Variants in DPF3 observed in about 807,000 individuals in gnomAD.
DPF3 encodes double PHD fingers 3, also known as zinc finger protein DPF3.
A neutral mutation model predicts 56.8 loss-of-function variants in DPF3; 18 were observed. The observed-to-expected ratio is 0.32, with a 90% CI of 0.22 to 0.47. The LOEUF (loss-of-function observed/expected upper bound fraction) is 0.47. Ranked by LOEUF, DPF3 falls within the 20% of genes least tolerant of loss-of-function variation. The probability of loss-of-function intolerance (pLI) is 1.00; values close to 1 mark genes in which losing one functional copy is unlikely to be tolerated. For missense variants in DPF3, 403 were observed against 488.8 expected, an observed-to-expected ratio of 0.82 and a Z score of 1.65; for synonymous variants, 188 against 180.2, an observed-to-expected ratio of 1.04 and a Z score of -0.35.
rs1884156972 is a variant in DPF3, at chr14:72,617,542, C to T, written c.*1755G>A. Among the ~76,000 whole-genome samples, 1 of 152,108 alleles carries T rather than the reference C, an allele frequency of 6.6e-6. No individual in the cohort carries two copies. On this transcript the variant is annotated 3_prime_UTR_variant, in exon 11 of 11. Coordinates refer to ENST00000556509, the MANE Select transcript of DPF3 (RefSeq NM_001280542.3). ...CCGGTCGGGGGCCCTTTAAATGAGA[C>T]CATTATGTATGTGTGTGATTCCCTC...
chr14:72,854,987 C>G (rs1311201176), intron 1 of DPF3, among the ~76,000 whole-genome samples: 1 of 152,128 alleles, frequency 6.6e-6, no homozygotes, highest in African/African-American at 2.4e-5. Context: ...AAAATCCTCA[C>G]CTTTAATATT....
At chr14:72,755,970 A>G (rs564065425) in intron 2 of DPF3, among the ~76,000 whole-genome samples, 52 of 152,294 alleles carry the variant, frequency 3.4e-4, no homozygotes, top group Non-Finnish European at 6.5e-4. Context: ...CAGGAGGCAG[A>G]TAACTCAAAG....
At chr14:72,735,599 G>A (rs984370719) in intron 3 of DPF3, among the ~76,000 whole-genome samples, 11 of 152,206 alleles carry the variant, frequency 7.2e-5, no homozygotes, top group African/African-American at 2.7e-4. Flanking sequence ...AGCACAGAAA[G>A]ATATAGAGAT....
chr14:72,760,840 C>A (rs1891040732), intron 2 of DPF3, among the ~76,000 whole-genome samples: 1 of 151,806 alleles, frequency 6.6e-6, no homozygotes, highest in African/African-American at 2.4e-5. Flanking sequence ...TAAAAAACTA[C>A]TTTTAATATA....
chr14:72,674,169 A>G, intron 8 of DPF3, 71 bp downstream of exon 8: 2 of 1,538,334 alleles, frequency 1.3e-6, no homozygotes, highest in East Asian at 2.3e-5. Flanking sequence ...CAGCACCACA[A>G]GATGGAAGAG....
intron 1 of DPF3, among the ~76,000 whole-genome samples, chr14:72,832,710 CAT>C (rs1884111920): frequency 6.6e-6 from 1 of 152,184 alleles, no homozygotes; most frequent in African/African-American, 2.4e-5. Context: ...AATTCTTTCA[CAT>C]GAGTAAATCA....
chr14:72,627,462 T>C (rs2153566706), intron 9 of DPF3, among the ~76,000 whole-genome samples: 1 of 152,216 alleles, frequency 6.6e-6, no homozygotes, highest in East Asian at 1.9e-4. Flanking sequence ...TATTTCCATA[T>C]GTAGTTGGAT....
intron 1 of DPF3, among the ~76,000 whole-genome samples, chr14:72,803,966 C>T (rs967546247): frequency 9.2e-5 from 14 of 152,050 alleles, no homozygotes; most frequent in African/African-American, 2.4e-4. Context: ...GAATTTTAAA[C>T]GCTACCTCCA....
chr14:72,634,965 A>T (rs1399411253), intron 8 of DPF3, among the ~76,000 whole-genome samples: 3 of 152,148 alleles, frequency 2.0e-5, no homozygotes, highest in Non-Finnish European at 4.4e-5. Context: ...TCCTTCCCGG[A>T]TGTTCCTCTA....
chr14:72,687,191 C>T (rs1334099733), intron 7 of DPF3, among the ~76,000 whole-genome samples: 5 of 152,136 alleles, frequency 3.3e-5, no homozygotes, highest in Non-Finnish European at 7.3e-5. Flanking sequence ...GGTGAAAAGC[C>T]TAACTTTGCA....
At chr14:72,768,024 T>G (rs1053381098) in intron 2 of DPF3, among the ~76,000 whole-genome samples, 1 of 152,174 alleles carries the variant, frequency 6.6e-6, no homozygotes, top group African/African-American at 2.4e-5. Flanking sequence ...ATAAAAGGAC[T>G]ATCAACTCAG....
At chr14:72,670,209 ATCT>A in intron 8 of DPF3, 5 of 986,012 alleles carry the variant, frequency 5.1e-6, no homozygotes, top group Non-Finnish European at 6.0e-6. Flanking sequence ...GTCTCCTTCT[ATCT>A]TCCAGAAGCA....
intron 8 of DPF3, among the ~76,000 whole-genome samples, chr14:72,641,245 A>G (rs1326081824): frequency 6.6e-6 from 1 of 152,176 alleles, no homozygotes; most frequent in Non-Finnish European, 1.5e-5. Flanking sequence ...GAACTCATAC[A>G]CAGATGGCCT....
chr14:72,651,556 G>C (rs924293770), intron 8 of DPF3, among the ~76,000 whole-genome samples: 2 of 152,172 alleles, frequency 1.3e-5, no homozygotes, highest in African/African-American at 4.8e-5. Context: ...GTAATTTTTT[G>C]AATGTCACAT....
chr14:72,637,510 C>T (rs945766528), intron 8 of DPF3, among the ~76,000 whole-genome samples: 2 of 152,266 alleles, frequency 1.3e-5, no homozygotes, highest in South Asian at 4.1e-4. Context: ...GGCACTCTTC[C>T]AGGTACTGGG....
At chr14:72,848,370 G>T (rs887695417) in intron 1 of DPF3, among the ~76,000 whole-genome samples, 1 of 152,062 alleles carries the variant, frequency 6.6e-6, no homozygotes. Flanking sequence ...TCACTATGTT[G>T]CCCAGGCTGG....
chr14:72,744,067 CA>C (rs1422105287), intron 3 of DPF3, among the ~76,000 whole-genome samples: 1 of 152,230 alleles, frequency 6.6e-6, no homozygotes, highest in Admixed American at 6.5e-5. Context: ...ACACTGAGAA[CA>C]CTTGCAAATT....
At chr14:72,714,268 G>A (rs1267177151) in intron 6 of DPF3, among the ~76,000 whole-genome samples, 155 bp downstream of exon 6, 1 of 152,202 alleles carries the variant, frequency 6.6e-6, no homozygotes, top group Non-Finnish European at 1.5e-5. Context: ...TGGTGACTGC[G>A]GTGGAGGCGG....
intron 1 of DPF3, among the ~76,000 whole-genome samples, chr14:72,798,968 T>C (rs1336347903): frequency 6.6e-6 from 1 of 152,174 alleles, no homozygotes; most frequent in Non-Finnish European, 1.5e-5. Context: ...GGTGTCCTCA[T>C]ACCCAAGCAT....
Sources: allele counts gnomAD v4.1 joint callset (sites outside exome capture counted in the v4.1 genomes callset), GRCh38; gene constraint gnomAD v4.1.1; transcripts MANE v1.5; gene names NCBI Gene and HGNC (gene_info 2026-07-23, HGNC 2026-07-21).